GCLM: variants seen among roughly 807,000 people sequenced by gnomAD.
The protein encoded by GCLM is glutamate--cysteine ligase regulatory subunit.
A neutral mutation model predicts 36.0 loss-of-function variants in GCLM; 15 were observed. The ratio of observed to expected loss-of-function variants is 0.42; its 90% CI spans 0.28 to 0.64. The LOEUF (loss-of-function observed/expected upper bound fraction) is 0.64. GCLM is among the 30% of genes least tolerant of loss of function. The pLI, the probability that GCLM is intolerant of heterozygous loss-of-function variation, is 0.25. For synonymous variants in GCLM, 129 were observed against 122.8 expected (o/e 1.05, Z -0.34); for missense variants, 242 against 325.5 (o/e 0.74, Z 1.97).
In GCLM at chr1:93,887,951, T is replaced by C. The variant is rs1656382898; in HGVS notation, c.*1039A>G. On this transcript the variant is annotated 3_prime_UTR_variant, in exon 7 of 7. Coordinates refer to ENST00000370238, the MANE Select transcript of GCLM (RefSeq NM_002061.4). Reference sequence around the variant, plus strand: ...TATAGTCTCTTTTAGCTATAAACTTTCAATTATATTATTCTGCTTTAAAAT... The same window carrying C: ...TATAGTCTCTTTTAGCTATAAACTTCCAATTATATTATTCTGCTTTAAAAT... 6.6e-6 allele frequency: 1 copy of C among 152,224 alleles called. No homozygotes were observed. Among genetic ancestry groups the C allele is most frequent in the Non-Finnish European group, 1.5e-5 (1 of 68,036 alleles). The allele number at this position is 152,224 out of a possible 1,614,324, so 9.4% of individuals were successfully genotyped here. A position where few individuals can be genotyped will look rare whatever the true frequency, so the allele number is the denominator to read the frequency against.
chr1:93,896,862 A>AT, intron 4 of GCLM, 42 bp from the exon 5 acceptor site: 1 of 1,047,432 alleles, frequency 9.5e-7, no homozygotes, highest in Non-Finnish European at 1.5e-6. Context: ...TGCTTACATC[A>AT]TAAAAACAAA....
intron 2 of GCLM, 122 bp from the exon 3 acceptor site, chr1:93,901,791 A>G (rs1656958975): frequency 9.9e-6 from 6 of 604,344 alleles, no homozygotes; most frequent in Non-Finnish European, 1.7e-5. Context: ...AGAGTTCTCT[A>G]CCTGAGGTCT....
chr1:93,885,593 A>T lies in GCLM; in HGVS notation c.*3397T>A, dbSNP rs998852759. ...AAAAAGGTATATGTTCTGGTATATT[A>T]GGAAGTTAATGATGAAAAATATAGG... On this transcript the variant is annotated 3_prime_UTR_variant, in exon 7 of 7. Coordinates refer to ENST00000370238, the MANE Select transcript of GCLM (RefSeq NM_002061.4). 2.6e-5 allele frequency: 4 copies of T among 152,236 alleles called. No homozygotes were observed. Among genetic ancestry groups the T allele is most frequent in the Non-Finnish European group, 5.9e-5 (4 of 68,014 alleles). The allele number at this position is 152,236 out of a possible 1,614,324, so 9.4% of individuals were successfully genotyped here.
intron 3 of GCLM, among the ~76,000 whole-genome samples, chr1:93,898,468 T>C (rs1224651217): frequency 1.3e-5 from 2 of 152,072 alleles, no homozygotes; most frequent in Non-Finnish European, 2.9e-5. Flanking sequence ...TTAAAATATA[T>C]GTCTATGTAG....
chr1:93,903,810 T>G (rs1210671359), intron 2 of GCLM, among the ~76,000 whole-genome samples: 1 of 152,212 alleles, frequency 6.6e-6, no homozygotes, highest in Non-Finnish European at 1.5e-5. Context: ...TTCCCATGAT[T>G]CTTGAGCACT....
At position 93,897,859 on chromosome 1, in the gene GCLM, G is replaced by A. The variant is rs139477840; in HGVS notation, c.317C>T (p.Thr106Ile). ...CTTACCCATGTCAACTGCACTTCTA[G>A]TTGATGATGAAGAGTTTGATTCTAC... Reference protein sequence around the residue: ...FIVESNSSSSTRSAVDMACSV... With the variant: ...FIVESNSSSSIRSAVDMACSV... The change falls in exon 4 of 7, where the codon ACT becomes ATT. Residue 106 changes from threonine (T) to isoleucine (I), a missense_variant. Coordinates refer to ENST00000370238, the MANE Select transcript of GCLM (RefSeq NM_002061.4). The A allele has an allele frequency of 6.4e-6, 10 of 1,554,140 alleles. No homozygotes were observed. The highest frequency in any genetic ancestry group is 1.3e-5 in the South Asian group (1 of 78,898).
chr1:93,900,031 C>T (rs1216427599), intron 3 of GCLM, among the ~76,000 whole-genome samples: 1 of 152,088 alleles, frequency 6.6e-6, no homozygotes, highest in African/African-American at 2.4e-5. Flanking sequence ...ATATGCAACA[C>T]ATTTTCTTCT....
intron 4 of GCLM, among the ~76,000 whole-genome samples, chr1:93,897,548 A>G (rs996119204): frequency 2.7e-5 from 4 of 149,838 alleles, no homozygotes; most frequent in Non-Finnish European, 4.4e-5. Flanking sequence ...TTTGGTTTTG[A>G]TATTTCACCT....
At chr1:93,903,199 C>T (rs1043235194) in intron 2 of GCLM, among the ~76,000 whole-genome samples, 4 of 152,012 alleles carry the variant, frequency 2.6e-5, no homozygotes, top group African/African-American at 9.7e-5. Flanking sequence ...GAAATAAGTT[C>T]TTAGCTTCTT....
chr1:93,891,495 C>T (rs1246499779), intron 6 of GCLM, among the ~76,000 whole-genome samples: 1 of 152,198 alleles, frequency 6.6e-6, no homozygotes, highest in Admixed American at 6.5e-5. Context: ...TCTCCTTCAG[C>T]CAAGTTATCT....
At chr1:93,907,963 T>C (rs1230115681) in intron 1 of GCLM, among the ~76,000 whole-genome samples, 3 of 152,216 alleles carry the variant, frequency 2.0e-5, no homozygotes, top group Non-Finnish European at 2.9e-5. Flanking sequence ...GGAAGGTTTT[T>C]CTAAACACAC....
At position 93,909,085 on chromosome 1, in the gene GCLM, T is replaced by A; in HGVS notation, c.79A>T (p.Asn27Tyr). ...CACTTCTTCCGCAGGCGGCCCCAGT[T>A]CAGCAGGTTCCCCGTCTGCAGGTGC... ...TLHLQTGNLL[N>Y]WGRLRKKCPS... The change falls in exon 1 of 7, where the codon AAC (asparagine) becomes TAC (tyrosine). Residue 27 changes from asparagine to tyrosine, a missense_variant. Physicochemically the swap from Asn to Tyr is moderately radical, Grantham distance 143. Coordinates refer to ENST00000370238, the MANE Select transcript of GCLM (RefSeq NM_002061.4). 1 of 1,474,138 alleles carries A rather than the reference T, an allele frequency of 6.8e-7. No homozygotes were observed. Among genetic ancestry groups the A allele is most frequent in the Non-Finnish European group, 8.9e-7 (1 of 1,118,060 alleles). The allele number at this position is 1,474,138 out of a possible 1,614,324, so 91.3% of individuals were successfully genotyped here.
chr1:93,897,733 A>C, intron 4 of GCLM, 106 bp downstream of exon 4: 4 of 609,632 alleles, frequency 6.6e-6, no homozygotes, highest in Non-Finnish European at 1.1e-5. Context: ...GTAAAATTGG[A>C]ATCAACTCAT....
chr1:93,909,199 C>T lies in GCLM; in HGVS notation c.-36G>A. On this transcript the variant is annotated 5_prime_UTR_variant, in exon 1 of 7. Transcript: ENST00000370238. ...GCCCAGGGGCCGCGCAGCGAAGGGG[C>T]TGCGGGCGGGCGGGCAGGCAGGCGG... is the stretch of plus-strand genomic sequence containing the variant. The T allele has an allele frequency of 8.5e-7, 1 of 1,178,248 alleles. No individual in the cohort carries two copies. The highest frequency in any genetic ancestry group is 1.0e-6 in the Non-Finnish European group (1 of 956,010). 73.0% of individuals were successfully genotyped at this position (1,178,248 alleles called of 1,614,324 possible).
intron 6 of GCLM, among the ~76,000 whole-genome samples, chr1:93,890,617 T>C (rs1656499539): frequency 6.6e-6 from 1 of 152,158 alleles, no homozygotes; most frequent in South Asian, 2.1e-4. Context: ...AAATTTTCAT[T>C]ATCAACTATG....
rs938407513 is a variant in GCLM, at chr1:93,887,337, C to T, written c.*1653G>A. On this transcript the variant is annotated 3_prime_UTR_variant, in exon 7 of 7. Coordinates refer to ENST00000370238, the MANE Select transcript of GCLM (RefSeq NM_002061.4). Reference sequence around the variant, plus strand: ...ATCAAATTACCCAATCAGTAAACCACAAAATCCTACTTAGGAAAAGGGTCT... The same window carrying T: ...ATCAAATTACCCAATCAGTAAACCATAAAATCCTACTTAGGAAAAGGGTCT... The T allele has an allele frequency of 4.6e-5, 7 of 152,080 alleles. No individual in the cohort carries two copies. The highest frequency in any genetic ancestry group is 1.7e-4 in the African/African-American group (7 of 41,392). The allele number at this position is 152,080 out of a possible 1,614,324, so 9.4% of individuals were successfully genotyped here. A position where few individuals can be genotyped will look rare whatever the true frequency, so the allele number is the denominator to read the frequency against.
At chr1:93,898,960 A>T (rs1405520732) in intron 3 of GCLM, among the ~76,000 whole-genome samples, 1 of 152,106 alleles carries the variant, frequency 6.6e-6, no homozygotes, top group Non-Finnish European at 1.5e-5. Context: ...AGACCTATAA[A>T]AGCAGAAAGA....
At chr1:93,902,197 A>G (rs1413914601) in intron 2 of GCLM, among the ~76,000 whole-genome samples, 1 of 151,990 alleles carries the variant, frequency 6.6e-6, no homozygotes, top group East Asian at 1.9e-4. Context: ...TTTTGTTTTG[A>G]GACAGAGTCT....
intron 2 of GCLM, chr1:93,904,201 G>A (rs974023143): frequency 1.3e-5 from 4 of 300,168 alleles, no homozygotes; most frequent in African/African-American, 2.2e-5. Context: ...GTCTACTAAA[G>A]CAATCTACCA....
Sources: allele counts gnomAD v4.1 joint callset (sites outside exome capture counted in the v4.1 genomes callset), GRCh38; gene constraint gnomAD v4.1.1; transcripts MANE v1.5; gene names NCBI Gene and HGNC (gene_info 2026-07-23, HGNC 2026-07-21).